RARB: variants seen among roughly 807,000 people sequenced by gnomAD.
RARB encodes the protein retinoic acid receptor beta.
A neutral mutation model predicts 51.9 loss-of-function variants in RARB; 17 were observed. The ratio of observed to expected loss-of-function variants is 0.33; its 90% CI spans 0.22 to 0.49. The LOEUF is 0.49. Ranked by LOEUF, RARB falls within the 20% of genes least tolerant of loss-of-function variation. RARB has a pLI of 0.99. For synonymous variants in RARB, 215 were observed against 195.4 expected, an observed-to-expected ratio of 1.10 and a Z score of -0.84; for missense variants, 369 against 550.8, an observed-to-expected ratio of 0.67 and a Z score of 3.30.
intron 3 of RARB, among the ~76,000 whole-genome samples, chr3:25,074,804 G>A (rs529076698): frequency 2.0e-5 from 3 of 152,238 alleles, no homozygotes; most frequent in South Asian, 4.1e-4. Flanking sequence ...ATGTTTGAAT[G>A]TGTCTTTCTT....
At chr3:24,980,957 T>C (rs939315933) in intron 2 of RARB, among the ~76,000 whole-genome samples, 17 of 152,198 alleles carry the variant, frequency 1.1e-4, no homozygotes, top group Non-Finnish European at 1.8e-4. Flanking sequence ...TTGGTGTGGA[T>C]GTCCTTTTTG....
chr3:25,154,897 G>C (rs559440605), intron 4 of RARB, among the ~76,000 whole-genome samples: 13 of 152,196 alleles, frequency 8.5e-5, no homozygotes, highest in Admixed American at 2.0e-4. Context: ...CCAGTAGGCT[G>C]TGAGCTACTT....
chr3:25,064,496 T>C (rs1698618656), intron 3 of RARB, among the ~76,000 whole-genome samples: 2 of 152,152 alleles, frequency 1.3e-5, no homozygotes, highest in Admixed American at 6.6e-5. Flanking sequence ...TAGTGCTCAC[T>C]GAAACTGTCT....
chr3:24,967,993 A>G (rs1447630853), intron 2 of RARB, among the ~76,000 whole-genome samples: 1 of 152,174 alleles, frequency 6.6e-6, no homozygotes, highest in African/African-American at 2.4e-5. Context: ...GATGTTTTCT[A>G]ATGAAACTGT....
At chr3:25,059,528 T>G (rs1209025530) in intron 2 of RARB, among the ~76,000 whole-genome samples, 1 of 151,888 alleles carries the variant, frequency 6.6e-6, no homozygotes, top group African/African-American at 2.4e-5. Context: ...TTCTGTACTT[T>G]GTATTTCATG....
intron 5 of RARB, among the ~76,000 whole-genome samples, chr3:25,278,126 C>T (rs557117683): frequency 5.9e-5 from 9 of 152,208 alleles, no homozygotes; most frequent in Admixed American, 2.0e-4. Flanking sequence ...TTCCACTTCA[C>T]GGCCATTATG....
intron 3 of RARB, 25 bp downstream of exon 3, chr3:25,501,348 T>C: frequency 6.2e-7 from 1 of 1,604,914 alleles, no homozygotes; most frequent in Non-Finnish European, 8.5e-7. Flanking sequence ...AAAAAACTTT[T>C]TCCCTGTTTT....
chr3:24,943,119 TTC>T (rs1559405657), intron 2 of RARB, among the ~76,000 whole-genome samples: 1 of 152,216 alleles, frequency 6.6e-6, no homozygotes, highest in Non-Finnish European at 1.5e-5. Flanking sequence ...TTGACTTAGA[TTC>T]CTAAATCAGA....
intron 2 of RARB, among the ~76,000 whole-genome samples, chr3:25,498,521 T>C (rs1697147642): frequency 1.3e-5 from 2 of 152,198 alleles, no homozygotes; most frequent in South Asian, 4.1e-4. Flanking sequence ...CAGCCAAAAA[T>C]CTGATTTGGA....
chr3:25,303,486 A>T (rs1218205636), intron 5 of RARB, among the ~76,000 whole-genome samples: 2 of 152,202 alleles, frequency 1.3e-5, no homozygotes, highest in African/African-American at 4.8e-5. Context: ...GCAAAAGGCC[A>T]TGACCGACTG....
At chr3:25,423,091 C>G (rs1029115235) in intron 5 of RARB, among the ~76,000 whole-genome samples, 1 of 152,192 alleles carries the variant, frequency 6.6e-6, no homozygotes, top group Non-Finnish European at 1.5e-5. Flanking sequence ...TGGCCCCGTA[C>G]AGAAAATGTT....
chr3:25,544,325 T>C (rs975191506), intron 3 of RARB, among the ~76,000 whole-genome samples: 1 of 152,238 alleles, frequency 6.6e-6, no homozygotes, highest in Non-Finnish European at 1.5e-5. Flanking sequence ...AATTTCTAAA[T>C]TGTCTACAGT....
At chr3:25,207,799 G>T (rs1264698071) in intron 5 of RARB, among the ~76,000 whole-genome samples, 1 of 152,196 alleles carries the variant, frequency 6.6e-6, no homozygotes, top group Admixed American at 6.5e-5. Context: ...GATAGAATGT[G>T]TGTTAGGCTG....
chr3:25,163,709 C>G (rs1302284917), intron 4 of RARB, among the ~76,000 whole-genome samples: 1 of 151,864 alleles, frequency 6.6e-6, no homozygotes, highest in African/African-American at 2.4e-5. Context: ...ACCCCGTTCC[C>G]TCACTCTCAG....
intron 5 of RARB, among the ~76,000 whole-genome samples, chr3:25,191,168 G>C (rs1308853767): frequency 6.6e-6 from 1 of 152,046 alleles, no homozygotes; most frequent in Non-Finnish European, 1.5e-5. Context: ...ATAGGGGAAA[G>C]TTTTCAAAAC....
At chr3:25,081,609 ATATATATATATATTTTTTTTTT>A (rs1379686018) in intron 3 of RARB, among the ~76,000 whole-genome samples, 9 of 10,190 alleles carry the variant, frequency 8.8e-4, no homozygotes, top group African/African-American at 3.4e-3. Context: ...ATATATATAT[ATATATATATATATTTTTTTTTT>A]TTTTTTTTTT....
chr3:24,837,025 A>T (rs1268417840), intron 1 of RARB, among the ~76,000 whole-genome samples: 1 of 152,240 alleles, frequency 6.6e-6, no homozygotes, highest in Non-Finnish European at 1.5e-5. Flanking sequence ...CATATATCAC[A>T]ATAAATTAGA....
At chr3:25,315,219 G>C (rs1704392590) in intron 5 of RARB, among the ~76,000 whole-genome samples, 1 of 152,004 alleles carries the variant, frequency 6.6e-6, no homozygotes, top group African/African-American at 2.4e-5. Context: ...AACTGTGAAT[G>C]AAATACACAC....
chr3:24,879,302 G>A (rs1007422853), intron 2 of RARB, among the ~76,000 whole-genome samples: 2 of 152,030 alleles, frequency 1.3e-5, no homozygotes, highest in Middle Eastern at 3.4e-3. Flanking sequence ...GGTGGCGGGC[G>A]CCTGTAGTCC....
Sources: allele counts gnomAD v4.1 joint callset (sites outside exome capture counted in the v4.1 genomes callset), GRCh38; gene constraint gnomAD v4.1.1; transcripts MANE v1.5; gene names NCBI Gene and HGNC (gene_info 2026-07-23, HGNC 2026-07-21).